POU6F2: variants seen among roughly 807,000 people sequenced by gnomAD.
The protein encoded by POU6F2 is POU domain, class 6, transcription factor 2.
In POU6F2, 31 loss-of-function variants were observed where a neutral mutation model predicts 71.3. That is an observed-to-expected ratio of 0.43 (90% CI 0.33 to 0.59). POU6F2 has a LOEUF of 0.59. Ranked by LOEUF, POU6F2 falls within the 20% of genes least tolerant of loss-of-function variation. The pLI, the probability that POU6F2 is intolerant of heterozygous loss-of-function variation, is 0.04. For missense variants in POU6F2, 783 were observed against 856.8 expected (o/e 0.91, Z 1.07); for synonymous variants, 347 against 355.7 (o/e 0.98, Z 0.27).
rs1451578494 is a variant in POU6F2 at position 39,276,612 on chromosome 7, T to C, written c.599-63030T>C. On this transcript the variant is annotated intron_variant, in intron 4 of 9. Transcript: ENST00000518318. ...AAAGACACATGCACACGTATGTTTATTGCGGCACTATTCACAATAGCAAAG... is the reference window on the plus strand; with the variant it reads ...AAAGACACATGCACACGTATGTTTACTGCGGCACTATTCACAATAGCAAAG... 1.5e-4 allele frequency among the ~76,000 whole-genome samples: 23 copies of C among 151,654 alleles called. 1 individual carries two copies. The highest frequency in any genetic ancestry group is 5.6e-4 in the African/African-American group (23 of 41,278).
At chr7:39,206,334 C>T (rs1794011849) in intron 3 of POU6F2, among the ~76,000 whole-genome samples, 1 of 152,080 alleles carries the variant, frequency 6.6e-6, no homozygotes, top group African/African-American at 2.4e-5. Flanking sequence ...GTGCTGCACT[C>T]AAAACATGCC....
intron 5 of POU6F2, among the ~76,000 whole-genome samples, chr7:39,399,229 A>G (rs1787243729): frequency 1.3e-5 from 2 of 151,626 alleles, no homozygotes; most frequent in Admixed American, 1.3e-4. Flanking sequence ...TCCCACCCAA[A>G]TTTTTTTCCC....
intron 6 of POU6F2, among the ~76,000 whole-genome samples, chr7:39,431,817 G>A (rs932166298): frequency 6.6e-6 from 1 of 152,182 alleles, no homozygotes; most frequent in Non-Finnish European, 1.5e-5. Context: ...GAATGCAGAG[G>A]AATCATATGT....
chr7:39,246,340 T>C (rs1407925487), intron 4 of POU6F2, among the ~76,000 whole-genome samples: 1 of 152,170 alleles, frequency 6.6e-6, no homozygotes, highest in African/African-American at 2.4e-5. Flanking sequence ...AGACAGCACA[T>C]AATTGCAAAT....
chr7:39,451,930 A>G (rs1307779212), intron 8 of POU6F2, among the ~76,000 whole-genome samples: 1 of 152,222 alleles, frequency 6.6e-6, no homozygotes, highest in Non-Finnish European at 1.5e-5. Flanking sequence ...ATTAGTGGCT[A>G]TCAAGGACCG....
intron 4 of POU6F2, among the ~76,000 whole-genome samples, chr7:39,213,885 C>A (rs1022505014): frequency 6.6e-6 from 1 of 152,204 alleles, no homozygotes; most frequent in Admixed American, 6.5e-5. Flanking sequence ...GGCCACACCC[C>A]TGGGAGATTC....
intron 1 of POU6F2, among the ~76,000 whole-genome samples, chr7:39,047,668 C>A (rs1019483175): frequency 6.6e-6 from 1 of 151,798 alleles, no homozygotes; most frequent in Non-Finnish European, 1.5e-5. Flanking sequence ...TTTGACCATT[C>A]TTCTTTTCCA....
chr7:38,986,947 T>C (rs1361688309), intron 1 of POU6F2, among the ~76,000 whole-genome samples: 4 of 152,160 alleles, frequency 2.6e-5, no homozygotes, highest in African/African-American at 4.8e-5. Context: ...TCCTTCTCTG[T>C]AGTACTCCCT....
chr7:39,097,469 G>T (rs1791477789), intron 2 of POU6F2, among the ~76,000 whole-genome samples: 1 of 152,146 alleles, frequency 6.6e-6, no homozygotes, highest in Non-Finnish European at 1.5e-5. Flanking sequence ...CTCCTTTGCT[G>T]TGAAGTGTTT....
chr7:39,140,803 G>A (rs918375359), intron 2 of POU6F2, among the ~76,000 whole-genome samples: 3 of 152,162 alleles, frequency 2.0e-5, no homozygotes, highest in Non-Finnish European at 4.4e-5. Context: ...GAAAGATCTC[G>A]AAAGATCATT....
At chr7:39,074,683 T>C (rs1438798114) in intron 1 of POU6F2, among the ~76,000 whole-genome samples, 4 of 152,122 alleles carry the variant, frequency 2.6e-5, no homozygotes, top group African/African-American at 9.7e-5. Context: ...TTGAATTTTT[T>C]TGGTGGGATG....
intron 2 of POU6F2, among the ~76,000 whole-genome samples, chr7:39,130,964 G>C (rs1018500910): frequency 5.9e-5 from 9 of 152,224 alleles, no homozygotes; most frequent in Non-Finnish European, 1.2e-4. Context: ...GGTGAACCCA[G>C]CGCTGAACCA....
At position 39,028,909 on chromosome 7, in the gene POU6F2, A is replaced by G. The variant is rs541966245; in HGVS notation, c.105+50851A>G. On this transcript the variant is annotated intron_variant, in intron 1 of 9. Coordinates refer to ENST00000518318, the MANE Select transcript of POU6F2 (RefSeq NM_001370959.1). ...CAGCCTCAACTCCCAGGCTCAAGCA[A>G]TCCTCCCACCTCAGCCTCCTGAGTA... 1.2e-3 allele frequency among the ~76,000 whole-genome samples: 181 copies of G among 152,196 alleles called. 1 individual carries two copies. Among genetic ancestry groups the G allele is most frequent in the African/African-American group, 3.9e-3 (160 of 41,534 alleles).
chr7:39,021,600 T>C (rs1013096163), intron 1 of POU6F2, among the ~76,000 whole-genome samples: 1 of 152,082 alleles, frequency 6.6e-6, no homozygotes, highest in African/African-American at 2.4e-5. Flanking sequence ...TAACAATTTC[T>C]TGAGCTTAAT....
At chr7:39,359,050 A>G (rs1362724727) in intron 5 of POU6F2, among the ~76,000 whole-genome samples, 1 of 152,174 alleles carries the variant, frequency 6.6e-6, no homozygotes, top group Non-Finnish European at 1.5e-5. Flanking sequence ...CTTCATGCCT[A>G]ATATGGAACC....
intron 1 of POU6F2, among the ~76,000 whole-genome samples, chr7:38,993,723 T>C (rs1003547186): frequency 2.0e-5 from 3 of 149,180 alleles, no homozygotes; most frequent in African/African-American, 7.3e-5. Context: ...AAGTCAAAAC[T>C]TGTGAAATGT....
chr7:39,142,246 C>T (rs1792517929), intron 2 of POU6F2, among the ~76,000 whole-genome samples: 1 of 152,190 alleles, frequency 6.6e-6, no homozygotes, highest in Non-Finnish European at 1.5e-5. Context: ...TGGCTTGTGG[C>T]TGGCAGCTGC....
At chr7:39,435,449 C>G (rs962131305) in intron 7 of POU6F2, among the ~76,000 whole-genome samples, 1 of 152,108 alleles carries the variant, frequency 6.6e-6, no homozygotes, top group African/African-American at 2.4e-5. Context: ...GAAGTCTGTT[C>G]ATATCCTTCG....
chr7:39,026,757 TA>T (rs768361673), intron 1 of POU6F2, among the ~76,000 whole-genome samples: 3 of 152,018 alleles, frequency 2.0e-5, no homozygotes, highest in Admixed American at 6.6e-5. Flanking sequence ...TAATAATTTT[TA>T]AAAAAACCTT....
Sources: allele counts gnomAD v4.1 joint callset (sites outside exome capture counted in the v4.1 genomes callset), GRCh38; gene constraint gnomAD v4.1.1; transcripts MANE v1.5; gene names NCBI Gene and HGNC (gene_info 2026-07-23, HGNC 2026-07-21).